The following CRYBG3 variants were observed in gnomAD, a reference collection of about 807,000 sequenced individuals.
CRYBG3 encodes very large A-kinase anchor protein.
Under a neutral mutation model 244.2 loss-of-function variants are expected in CRYBG3, and 127 were observed. That is an observed-to-expected ratio of 0.52 (90% CI 0.45 to 0.60). CRYBG3 has a LOEUF of 0.60. Among genes scored for constraint, CRYBG3 ranks in the 20% least tolerant of loss-of-function variants. The pLI is 0.00. For missense variants in CRYBG3, 3,325 were observed against 3,442.5 expected (o/e 0.97, Z 0.85); for synonymous variants, 1,132 against 1,195.8 (o/e 0.95, Z 1.10).
intron 1 of CRYBG3, among the ~76,000 whole-genome samples, chr3:97,837,738 T>C (rs1241634770): frequency 6.6e-6 from 1 of 152,138 alleles, no homozygotes; most frequent in Non-Finnish European, 1.5e-5. Flanking sequence ...TTGCTGCCAG[T>C]GATGGCATTA....
intron 15 of CRYBG3, among the ~76,000 whole-genome samples, chr3:97,908,972 G>C (rs2039826218): frequency 6.6e-6 from 1 of 151,922 alleles, no homozygotes; most frequent in African/African-American, 2.4e-5. Context: ...GCATATGCTT[G>C]TCTGTAAAGT....
chr3:97,827,175 G>A (rs1484079608), intron 1 of CRYBG3, among the ~76,000 whole-genome samples: 1 of 152,198 alleles, frequency 6.6e-6, no homozygotes, highest in Non-Finnish European at 1.5e-5. Context: ...AAAAGTGGCA[G>A]TGCTTTTTTT....
In CRYBG3 at chr3:97,928,066, T is replaced by C. The variant is rs1042906246; in HGVS notation, c.8242-5628T>C. Among the ~76,000 whole-genome samples, 17 of 152,036 alleles carry C rather than the reference T, an allele frequency of 1.1e-4. 1 individual carries two copies. The highest frequency in any genetic ancestry group is 9.8e-4 in the Admixed American group (15 of 15,232). On this transcript the variant is annotated intron_variant, in intron 17 of 21. Coordinates refer to ENST00000389622, the MANE Select transcript of CRYBG3 (RefSeq NM_153605.4). ...ATTACTGGGTATATACTCAAAGGAA[T>C]ATAAATCATTCTATCATAAAGACAC...
intron 2 of CRYBG3, among the ~76,000 whole-genome samples, chr3:97,857,568 C>T (rs538090055): frequency 2.9e-4 from 44 of 152,062 alleles, no homozygotes; most frequent in Non-Finnish European, 5.7e-4. Flanking sequence ...GTTGTTACAT[C>T]GTCTTGTTGA....
At chr3:97,831,480 G>C (rs2038653173) in intron 1 of CRYBG3, among the ~76,000 whole-genome samples, 1 of 152,134 alleles carries the variant, frequency 6.6e-6, no homozygotes, top group Admixed American at 6.6e-5. Context: ...GGGATTCAGA[G>C]AGACCTTGAG....
chr3:97,914,015 T>A (rs1249051187), intron 16 of CRYBG3, among the ~76,000 whole-genome samples: 3 of 152,170 alleles, frequency 2.0e-5, no homozygotes, highest in African/African-American at 7.2e-5. Flanking sequence ...TTGTGACCCC[T>A]GCTTAATAAT....
intron 2 of CRYBG3, among the ~76,000 whole-genome samples, chr3:97,851,931 A>G (rs942543190): frequency 6.6e-6 from 1 of 152,214 alleles, no homozygotes; most frequent in African/African-American, 2.4e-5. Context: ...TAGGGGGCGC[A>G]GTTATGGTGA....
chr3:97,864,312 C>T lies in CRYBG3; in HGVS notation c.312C>T (p.Ser104=). Reference sequence around the variant, plus strand: ...AAAAGGCATATGATCTTTCCAGTTCCACTTCAGATACCAAAATAGGAGAAA... The same window carrying T: ...AAAAGGCATATGATCTTTCCAGTTCTACTTCAGATACCAAAATAGGAGAAA... The part of the protein sequence containing the change: ...DPKKAYDLSS[S]TSDTKIGESD... The change falls in exon 3 of 22, where the codon TCC becomes TCT. Residue 104 remains serine, a synonymous_variant. Coordinates refer to ENST00000389622, the MANE Select transcript of CRYBG3 (RefSeq NM_153605.4). The T allele has an allele frequency of 6.5e-7, 1 of 1,535,842 alleles. No individual in the cohort carries two copies. Among genetic ancestry groups the T allele is most frequent in the East Asian group, 2.4e-5 (1 of 40,914 alleles).
chr3:97,903,958 G>A (rs1325820986), intron 15 of CRYBG3, among the ~76,000 whole-genome samples: 1 of 152,124 alleles, frequency 6.6e-6, no homozygotes, highest in East Asian at 1.9e-4. Flanking sequence ...AAGGATGGGT[G>A]TAGTCTGGAA....
At chr3:97,836,715 C>G (rs936074356) in intron 1 of CRYBG3, among the ~76,000 whole-genome samples, 20 of 152,080 alleles carry the variant, frequency 1.3e-4, no homozygotes, top group Middle Eastern at 3.4e-3. Flanking sequence ...TATTTAAGGG[C>G]CTAAAGGAGG....
chr3:97,862,857 C>A (rs1295071611), intron 2 of CRYBG3, among the ~76,000 whole-genome samples: 1 of 152,190 alleles, frequency 6.6e-6, no homozygotes, highest in Non-Finnish European at 1.5e-5. Flanking sequence ...CATGTGCTTA[C>A]TCAGAAATCC....
chr3:97,896,226 G>T (rs1460290960), intron 12 of CRYBG3, 141 bp downstream of exon 12: 14 of 678,050 alleles, frequency 2.1e-5, no homozygotes, highest in Non-Finnish European at 3.1e-5. Flanking sequence ...TATGCAACTT[G>T]CCTGTTTTTC....
Position 97,863,028 on chromosome 3 carries a change from T to C in CRYBG3, c.217-1189T>C, listed in dbSNP as rs139094358. ...ACTAATTTGAACTTAGATCAAAACA[T>C]GGAATGAGGTGAAAAAATGACATTA... is the stretch of plus-strand genomic sequence containing the variant. On this transcript the variant is annotated intron_variant, in intron 2 of 21. Coordinates refer to ENST00000389622, the MANE Select transcript of CRYBG3 (RefSeq NM_153605.4). Among the ~76,000 whole-genome samples, 324 of 152,260 alleles carry C rather than the reference T, an allele frequency of 2.1e-3. 1 individual carries two copies. Among genetic ancestry groups the C allele is most frequent in the African/African-American group, 7.3e-3 (302 of 41,558 alleles).
At chr3:97,847,322 G>T (rs1052299948) in intron 2 of CRYBG3, among the ~76,000 whole-genome samples, 1 of 152,112 alleles carries the variant, frequency 6.6e-6, no homozygotes, top group Non-Finnish European at 1.5e-5. Flanking sequence ...TCATTTTAGA[G>T]TATTTTGTTC....
chr3:97,919,895 A>G (rs1004822154), intron 17 of CRYBG3, among the ~76,000 whole-genome samples: 1 of 152,076 alleles, frequency 6.6e-6, no homozygotes, highest in African/African-American at 2.4e-5. Context: ...CCTCCGAAGT[A>G]GCTGGGACTA....
intron 15 of CRYBG3, among the ~76,000 whole-genome samples, chr3:97,910,147 T>G (rs997670191): frequency 1.1e-4 from 17 of 151,682 alleles, no homozygotes; most frequent in East Asian, 2.0e-4. Flanking sequence ...ACTGCTCTCT[T>G]CAAAGCTGTC....
intron 15 of CRYBG3, among the ~76,000 whole-genome samples, chr3:97,910,686 A>T (rs2039861101): frequency 6.6e-6 from 1 of 152,168 alleles, no homozygotes; most frequent in African/African-American, 2.4e-5. Flanking sequence ...CCTCAGATGG[A>T]AATGCAGAAA....
In CRYBG3 at chr3:97,873,954, T is replaced by A. The variant is rs1452745541; in HGVS notation, c.2760T>A (p.Asp920Glu). 1 of 1,535,488 alleles carries A rather than the reference T, an allele frequency of 6.5e-7. No individual in the cohort carries two copies. Among genetic ancestry groups the A allele is most frequent in the East Asian group, 2.4e-5 (1 of 40,914 alleles). ...CTCCTGCTGCCTCCAAATATGAAGA[T>A]AAGCCAGAACCAGAGGTAGATGCCT... ...ELSPAASKYE[D>E]KPEPEVDALG... Residue 920 changes from aspartate to glutamate, a missense_variant, in exon 4 of 22, where the codon GAT becomes GAA. This residue lies in a region of CRYBG3 where 1,526 missense variants were observed against 1,443.2 expected (regional missense o/e 1.06). Coordinates refer to ENST00000389622, the MANE Select transcript of CRYBG3 (RefSeq NM_153605.4).
intron 15 of CRYBG3, 119 bp downstream of exon 15, chr3:97,900,604 T>C: frequency 1.5e-6 from 1 of 658,952 alleles, no homozygotes; most frequent in Non-Finnish European, 2.7e-6. Context: ...GCAGAGCAGA[T>C]TACAATTGCA....
Sources: allele counts gnomAD v4.1 joint callset (sites outside exome capture counted in the v4.1 genomes callset), GRCh38; gene constraint gnomAD v4.1.1; regional missense constraint gnomAD v4.1.1; transcripts MANE v1.5; gene names NCBI Gene and HGNC (gene_info 2026-07-23, HGNC 2026-07-21).